The following MAP2K5 variants were observed in gnomAD, a reference collection of about 807,000 sequenced individuals.
The protein encoded by MAP2K5 is mitogen-activated protein kinase kinase 5, also known as dual specificity mitogen-activated protein kinase kinase 5.
A neutral mutation model predicts 83.1 loss-of-function variants in MAP2K5; 49 were observed. The observed-to-expected ratio is 0.59, with a 90% CI of 0.47 to 0.75. MAP2K5 has a LOEUF of 0.75. Among genes scored for constraint, MAP2K5 ranks in the 30% least tolerant of loss-of-function variants. MAP2K5 has a pLI of 0.00. For synonymous variants in MAP2K5, 202 were observed against 191.8 expected, an observed-to-expected ratio of 1.05 and a Z score of -0.44; for missense variants, 457 against 557.5, an observed-to-expected ratio of 0.82 and a Z score of 1.82.
intron 2 of MAP2K5, among the ~76,000 whole-genome samples, chr15:67,553,268 A>G (rs1465301022): frequency 6.6e-6 from 1 of 152,190 alleles, no homozygotes; most frequent in Non-Finnish European, 1.5e-5. Context: ...CTTTTTGACT[A>G]TAAAACTTGC....
At position 67,778,358 on chromosome 15, in the gene MAP2K5, G is replaced by A. The variant is rs183216679; in HGVS notation, c.1242+5606G>A. On this transcript the variant is annotated intron_variant, in intron 21 of 21. Transcript: ENST00000178640. The surrounding 1 kb of genome is among the most constrained non-coding windows in gnomAD (Gnocchi z 5.0). ...AGGGTAACCATGATGTTAGATTTTT[G>A]TCTCTCCAACACTCAAATTCCAGTG... 1.3e-3 allele frequency among the ~76,000 whole-genome samples: 203 copies of A among 152,220 alleles called. 1 individual carries two copies. Among genetic ancestry groups the A allele is most frequent in the Admixed American group, 2.5e-3 (39 of 15,296 alleles).
At chr15:67,772,785 TCA>T (rs1369309567) in intron 21 of MAP2K5, 33 bp downstream of exon 21, 4 of 1,543,144 alleles carry the variant, frequency 2.6e-6, no homozygotes, top group Non-Finnish European at 3.5e-6. Flanking sequence ...ATTAGAATTC[TCA>T]GTTATATATT....
intron 8 of MAP2K5, among the ~76,000 whole-genome samples, chr15:67,611,492 C>A (rs906167994): frequency 3.3e-5 from 5 of 152,126 alleles, no homozygotes; most frequent in African/African-American, 1.2e-4. Flanking sequence ...CCTACCTGCC[C>A]TTATACGTGG....
intron 9 of MAP2K5, among the ~76,000 whole-genome samples, chr15:67,632,743 GA>G (rs2086503950): frequency 6.6e-6 from 1 of 152,072 alleles, no homozygotes; most frequent in Admixed American, 6.5e-5. Context: ...TTCTCATCTA[GA>G]AAACTAAGAA....
At chr15:67,641,821 T>G (rs1479231961) in intron 9 of MAP2K5, among the ~76,000 whole-genome samples, 1 of 152,212 alleles carries the variant, frequency 6.6e-6, no homozygotes, top group Admixed American at 6.5e-5. Flanking sequence ...TTTGCCATGC[T>G]TTTTGCCATT....
intron 16 of MAP2K5, among the ~76,000 whole-genome samples, chr15:67,712,466 G>C (rs917952567): frequency 6.6e-6 from 1 of 152,218 alleles, no homozygotes; most frequent in South Asian, 2.1e-4. Context: ...AAGCAATTTG[G>C]ATGGCCAGAA....
chr15:67,658,075 G>A (rs942915451), intron 11 of MAP2K5, among the ~76,000 whole-genome samples: 1 of 151,932 alleles, frequency 6.6e-6, no homozygotes, highest in African/African-American at 2.4e-5. Flanking sequence ...ATTACATATT[G>A]TTAAAATAGA....
chr15:67,627,364 C>T (rs1280932132), intron 8 of MAP2K5, among the ~76,000 whole-genome samples: 1 of 152,238 alleles, frequency 6.6e-6, no homozygotes, highest in East Asian at 1.9e-4. Context: ...AGTTGTCACC[C>T]GGTTTTTGTA....
At chr15:67,585,804 C>T in intron 4 of MAP2K5, 86 bp from the exon 5 acceptor site, 15 of 1,156,462 alleles carry the variant, frequency 1.3e-5, no homozygotes, top group Non-Finnish European at 2.0e-5. Context: ...TTTGGTGTCA[C>T]CCTCATTTCT....
rs2088455963 is a variant in MAP2K5, at chr15:67,702,904, AC to A, written c.973-431del. Among the ~76,000 whole-genome samples, 7 of 152,208 alleles carry A rather than the reference AC, an allele frequency of 4.6e-5. No individual in the cohort carries two copies. The highest frequency in any genetic ancestry group is 1.7e-4 in the African/African-American group (7 of 41,448). ...ATTAAAAGAAACCCTCCTGTTCCAG[AC>A]CAATCTATCAAAATGCAAATAAGTG... is the stretch of plus-strand genomic sequence containing the variant. On this transcript the variant is annotated intron_variant, in intron 15 of 21. Coordinates refer to ENST00000178640, the MANE Select transcript of MAP2K5 (RefSeq NM_145160.3). The surrounding 1 kb of genome is among the most constrained non-coding windows in gnomAD (Gnocchi z 4.6).
chr15:67,799,960 G>A (rs1230759038), intron 21 of MAP2K5, among the ~76,000 whole-genome samples: 1 of 152,174 alleles, frequency 6.6e-6, no homozygotes, highest in Non-Finnish European at 1.5e-5. Context: ...GGGGGGGATT[G>A]TTATTGTGAT....
chr15:67,806,361 C>T lies in MAP2K5; in HGVS notation c.1243-285C>T, dbSNP rs1387008622. Among the ~76,000 whole-genome samples, 5 of 152,330 alleles carry T rather than the reference C, an allele frequency of 3.3e-5. No individual in the cohort carries two copies. The East Asian group carries it at 5.8e-4, about 18-fold the overall frequency. On this transcript the variant is annotated intron_variant, in intron 21 of 21. Coordinates refer to ENST00000178640, the MANE Select transcript of MAP2K5 (RefSeq NM_145160.3). ...AGAGTGTGCAGCGAAGACAGGCCCT[C>T]GCCCTTAAGCACCTTCCAGGCTAGT...
chr15:67,661,140 T>C (rs1436971107), intron 12 of MAP2K5, among the ~76,000 whole-genome samples: 1 of 152,088 alleles, frequency 6.6e-6, no homozygotes. Flanking sequence ...GTAAAATGTA[T>C]GGCAAGAGAG....
intron 7 of MAP2K5, among the ~76,000 whole-genome samples, chr15:67,599,415 T>G (rs72749353): frequency 0.12 from 18,362 of 152,206 alleles, 1,226 homozygotes; most frequent in East Asian, 0.2. Flanking sequence ...TAAAATGGCT[T>G]GGAAAAGAAG....
intron 11 of MAP2K5, among the ~76,000 whole-genome samples, chr15:67,656,133 G>A (rs574186200): frequency 4.8e-4 from 73 of 152,096 alleles, no homozygotes; most frequent in African/African-American, 1.0e-3. Flanking sequence ...TTGGAATCAC[G>A]AGCAAAAAGT....
intron 17 of MAP2K5, among the ~76,000 whole-genome samples, chr15:67,733,676 A>G (rs2089274891): frequency 6.6e-6 from 1 of 152,242 alleles, no homozygotes. Context: ...ACTTAACTCA[A>G]GGAGACAGGG....
At chr15:67,799,491 A>G (rs1422133688) in intron 21 of MAP2K5, among the ~76,000 whole-genome samples, 1 of 152,278 alleles carries the variant, frequency 6.6e-6, no homozygotes, top group Non-Finnish European at 1.5e-5. Context: ...GGTGTGGGTG[A>G]GGAAGCTGCA....
In MAP2K5 at chr15:67,768,248, A is replaced by G. The variant is rs1375798449; in HGVS notation, c.1135-1354A>G. Among the ~76,000 whole-genome samples the G allele has an allele frequency of 6.6e-6, 1 of 152,204 alleles. No individual in the cohort carries two copies. Among genetic ancestry groups the G allele is most frequent in the Non-Finnish European group, 1.5e-5 (1 of 68,048 alleles). ...TTTCTGATAATTGGCCACAGCAATT[A>G]TATGTATATTTACTAATCACATAGG... On this transcript the variant is annotated intron_variant, in intron 19 of 21. Transcript: ENST00000178640. This position sits in a 1 kb window ranked among gnomAD's most constrained non-coding sequence, Gnocchi z 4.0.
At chr15:67,628,488 TAAA>T in intron 8 of MAP2K5, 5 of 659,720 alleles carry the variant, frequency 7.6e-6, no homozygotes, top group Non-Finnish European at 1.3e-5. Context: ...TAAAAAAAAA[TAAA>T]AATAAAAAAT....
Sources: gnomAD v4.1 joint callset for allele counts (sites outside exome capture counted in the v4.1 genomes callset) on GRCh38, gnomAD v4.1.1 for gene constraint, Gnocchi (gnomAD v3.1) non-coding constraint, MANE v1.5 for transcripts, NCBI Gene and HGNC (gene_info 2026-07-23, HGNC 2026-07-21) for gene names.